GCNT2: variants seen among roughly 807,000 people sequenced by gnomAD.
GCNT2 encodes the protein glucosaminyl (N-acetyl) transferase 2 (I blood group).
In GCNT2, 34 loss-of-function variants were observed where a neutral mutation model predicts 34.2. The ratio of observed to expected loss-of-function variants is 1.00; its 90% confidence interval spans 0.76 to 1.32. The LOEUF (loss-of-function observed/expected upper bound fraction) is 1.32, where lower values mean the gene tolerates loss of function less well. Ranked by LOEUF, GCNT2 falls within the 40% of genes most tolerant of loss-of-function variation. The pLI is 0.00. For synonymous variants in GCNT2, 212 were observed against 188.0 expected, an observed-to-expected ratio of 1.13 and a Z score of -1.04; for missense variants, 584 against 489.4, an observed-to-expected ratio of 1.19 and a Z score of -1.82.
intron 3 of GCNT2, among the ~76,000 whole-genome samples, chr6:10,572,197 C>T (rs1763582550): frequency 6.6e-6 from 1 of 152,060 alleles, no homozygotes; most frequent in Admixed American, 6.6e-5. Context: ...GAATTCAGTG[C>T]CCAAAATATT....
intron 1 of GCNT2, among the ~76,000 whole-genome samples, chr6:10,524,688 G>C: frequency 6.6e-6 from 1 of 152,002 alleles, no homozygotes; most frequent in East Asian, 1.9e-4. Flanking sequence ...AATTAGCCAG[G>C]CATGGTGGTG....
chr6:10,607,328 A>G (rs6903751), intron 3 of GCNT2, among the ~76,000 whole-genome samples: 18,624 of 152,150 alleles, frequency 0.12, 1,763 homozygotes, highest in African/African-American at 0.26. Flanking sequence ...GGAAGGCAAA[A>G]AGGGAGCAAG....
intron 3 of GCNT2, among the ~76,000 whole-genome samples, chr6:10,562,482 C>G (rs1763032453): frequency 6.6e-6 from 1 of 151,888 alleles, no homozygotes; most frequent in Admixed American, 6.6e-5. Context: ...CTTTTTGAGG[C>G]CCAGGCGGGA....
At chr6:10,547,434 C>G (rs1296627684) in intron 3 of GCNT2, among the ~76,000 whole-genome samples, 2 of 152,206 alleles carry the variant, frequency 1.3e-5, no homozygotes, top group Admixed American at 6.5e-5. Flanking sequence ...AACAATTTCT[C>G]AGTCTGTCTT....
intron 3 of GCNT2, among the ~76,000 whole-genome samples, chr6:10,601,955 A>C (rs1243164254): frequency 1.3e-4 from 20 of 148,908 alleles, no homozygotes; most frequent in East Asian, 3.9e-4. Flanking sequence ...AAAAAAAAAA[A>C]AAAAACAAAA....
At chr6:10,593,978 C>T (rs1241790503) in intron 3 of GCNT2, among the ~76,000 whole-genome samples, 1 of 152,212 alleles carries the variant, frequency 6.6e-6, no homozygotes, top group African/African-American at 2.4e-5. Context: ...TTAGTTTACT[C>T]ATCTGTGATG....
chr6:10,578,391 T>TAAAAA (rs55708119), intron 3 of GCNT2, among the ~76,000 whole-genome samples: 2 of 87,070 alleles, frequency 2.3e-5, no homozygotes, highest in African/African-American at 4.1e-5. Context: ...TGTCTAAAAG[T>TAAAAA]AAAAAAAAAA....
intron 3 of GCNT2, among the ~76,000 whole-genome samples, chr6:10,585,530 A>G (rs1269193258): frequency 6.6e-6 from 1 of 152,198 alleles, no homozygotes; most frequent in Non-Finnish European, 1.5e-5. Context: ...CTCTGATTCT[A>G]GAAGGCTTGG....
chr6:10,553,236 C>A (rs958049354), intron 3 of GCNT2, among the ~76,000 whole-genome samples: 1 of 152,176 alleles, frequency 6.6e-6, no homozygotes, highest in Non-Finnish European at 1.5e-5. Flanking sequence ...CCAGCTGGCA[C>A]GCCCTGCCTG....
chr6:10,628,866 A>G lies in GCNT2; in HGVS notation c.*2259A>G, dbSNP rs1766374998. On this transcript the variant is annotated 3_prime_UTR_variant, in exon 5 of 5. Transcript: ENST00000495262. ...TGAAACCCCATCTCTACTAAAAAATATAAAAATTAGCCGGGCTTTGTGGCA... is the reference window on the plus strand; with the variant it reads ...TGAAACCCCATCTCTACTAAAAAATGTAAAAATTAGCCGGGCTTTGTGGCA... The G allele has an allele frequency of 6.6e-6, 1 of 152,262 alleles. No homozygotes were observed. Among genetic ancestry groups the G allele is most frequent in the African/African-American group, 2.4e-5 (1 of 41,470 alleles). The allele number at this position is 152,262 out of a possible 1,614,324, so 9.4% of individuals were successfully genotyped here.
chr6:10,575,763 G>A (rs955742178), intron 3 of GCNT2, among the ~76,000 whole-genome samples: 6 of 152,118 alleles, frequency 3.9e-5, no homozygotes, highest in Non-Finnish European at 8.8e-5. Flanking sequence ...GTAAATGGCC[G>A]GTCCTTGCCT....
chr6:10,586,731 A>G lies in GCNT2; in HGVS notation c.926-34620A>G, dbSNP rs1346174862. On this transcript the variant is annotated intron_variant, in intron 3 of 4. Coordinates refer to ENST00000495262, the MANE Select transcript of GCNT2 (RefSeq NM_145649.5). Reference sequence around the variant, plus strand: ...AGGTGGCTTTTTTGTGAAAAATACTAATATTTTGAAAACTTCACCTCCACA... The same window carrying G: ...AGGTGGCTTTTTTGTGAAAAATACTGATATTTTGAAAACTTCACCTCCACA... The G allele has an allele frequency of 5.0e-6, 8 of 1,613,880 alleles. No homozygotes were observed. In the South Asian group the frequency reaches 6.6e-5, roughly 13 times the overall value.
chr6:10,529,550 AAATATC>A lies in GCNT2; in HGVS notation c.641_646del (p.Asn214_Ile215del). On this transcript the variant is annotated inframe_deletion, in exon 3 of 5. Transcript: ENST00000495262. The stretch of plus-strand genomic sequence containing the variant: ...AGTATCTGAAGGGATTTAAAGGGAA[AAATATC>A]ACCCCCGGAGTGCTGCCTCCTGACC... 1.2e-6 allele frequency: 2 copies of A among 1,614,194 alleles called. No individual in the cohort carries two copies. Among genetic ancestry groups the A allele is most frequent in the Non-Finnish European group, 1.7e-6 (2 of 1,180,022 alleles).
intron 4 of GCNT2, among the ~76,000 whole-genome samples, chr6:10,622,742 C>CTTTTT (rs36097125): frequency 2.5e-4 from 19 of 74,536 alleles, no homozygotes; most frequent in Non-Finnish European, 5.0e-4. Flanking sequence ...CTCAGTCCAT[C>CTTTTT]TTTTTTTTTT....
At chr6:10,607,089 G>A (rs1287153078) in intron 3 of GCNT2, among the ~76,000 whole-genome samples, 1 of 152,078 alleles carries the variant, frequency 6.6e-6, no homozygotes. Context: ...TGGGATTACA[G>A]GGGTGCACCA....
chr6:10,589,913 A>G (rs1336083014), intron 3 of GCNT2, among the ~76,000 whole-genome samples: 1 of 152,224 alleles, frequency 6.6e-6, no homozygotes, highest in Non-Finnish European at 1.5e-5. Context: ...ATATGCAGAC[A>G]TTTAAGAAGC....
intron 3 of GCNT2, among the ~76,000 whole-genome samples, chr6:10,600,287 C>T (rs761168450): frequency 2.0e-5 from 3 of 152,130 alleles, no homozygotes; most frequent in Non-Finnish European, 4.4e-5. Context: ...ATCAATATTA[C>T]ATCAAAGTCT....
intron 3 of GCNT2, among the ~76,000 whole-genome samples, chr6:10,546,694 C>G (rs1430201103): frequency 1.4e-4 from 22 of 151,992 alleles, no homozygotes; most frequent in Non-Finnish European, 2.8e-4. Flanking sequence ...CTTTGAAGAT[C>G]TATAAAATAT....
At chr6:10,540,830 C>T (rs1437405643) in intron 3 of GCNT2, among the ~76,000 whole-genome samples, 2 of 152,122 alleles carry the variant, frequency 1.3e-5, no homozygotes, top group African/African-American at 4.8e-5. Context: ...CCCCAACTCC[C>T]CCATCACTTC....
Sources: gnomAD v4.1 joint callset for allele counts (sites outside exome capture counted in the v4.1 genomes callset) on GRCh38, gnomAD v4.1.1 for gene constraint, MANE v1.5 for transcripts, NCBI Gene and HGNC (gene_info 2026-07-23, HGNC 2026-07-21) for gene names.